The following XYLT1 variants were observed in gnomAD, a reference collection of about 807,000 sequenced individuals.
XYLT1 encodes xylosyltransferase 1.
A neutral mutation model predicts 91.3 loss-of-function variants in XYLT1; 36 were observed. That is an observed-to-expected ratio of 0.39 (90% CI 0.30 to 0.52). The LOEUF is 0.52. Among genes scored for constraint, XYLT1 ranks in the 20% least tolerant of loss-of-function variants. The pLI is 0.68. For synonymous variants in XYLT1, 588 were observed against 532.0 expected (o/e 1.11, Z -1.45); for missense variants, 1,242 against 1,284.5 (o/e 0.97, Z 0.51).
At chr16:17,462,447 C>A (rs749639516) in intron 1 of XYLT1, among the ~76,000 whole-genome samples, 11 of 152,172 alleles carry the variant, frequency 7.2e-5, no homozygotes, top group Non-Finnish European at 1.6e-4. Flanking sequence ...GGCTTCCAAT[C>A]GGGAAGGGGG....
At chr16:17,426,982 T>G (rs973726178) in intron 1 of XYLT1, among the ~76,000 whole-genome samples, 2 of 152,008 alleles carry the variant, frequency 1.3e-5, no homozygotes, top group African/African-American at 4.8e-5. Context: ...TGAGGCAGGA[T>G]AGAGACAGAG....
intron 2 of XYLT1, among the ~76,000 whole-genome samples, chr16:17,259,780 C>G (rs1351397615): frequency 6.6e-6 from 1 of 152,194 alleles, no homozygotes; most frequent in Non-Finnish European, 1.5e-5. Flanking sequence ...CTTTTCAAGT[C>G]AGTTTCTTTC....
Position 17,189,792 on chromosome 16 carries a change from A to T in XYLT1, c.1289+8420T>A, listed in dbSNP as rs372357306. ...CTGGGCATAGTGGCTTACACCTGTA[A>T]TCTCAGCACTTTGGGAGGCTGAGGT... On this transcript the variant is annotated intron_variant, in intron 5 of 11. Transcript: ENST00000261381. Among the ~76,000 whole-genome samples, 5 of 152,346 alleles carry T rather than the reference A, an allele frequency of 3.3e-5. No homozygotes were observed. In the South Asian group the frequency reaches 1.0e-3, roughly 32 times the overall value.
intron 9 of XYLT1, among the ~76,000 whole-genome samples, chr16:17,133,082 G>T (rs2141504344): frequency 6.6e-6 from 1 of 152,264 alleles, no homozygotes; most frequent in East Asian, 1.9e-4. Flanking sequence ...TTAAACTGCA[G>T]GTCCTGGGTT....
rs901916119 is a variant in XYLT1, at chr16:17,108,447, G to C, written c.*248C>G. ...AGACAAGGAACCTGTAGGACTTGAGGATCAACCAGAAGAGGTGAGACAGTC... is the reference window on the plus strand; with the variant it reads ...AGACAAGGAACCTGTAGGACTTGAGCATCAACCAGAAGAGGTGAGACAGTC... On this transcript the variant is annotated 3_prime_UTR_variant, in exon 12 of 12. Coordinates refer to ENST00000261381, the MANE Select transcript of XYLT1 (RefSeq NM_022166.4). 4.8e-6 allele frequency: 2 copies of C among 413,338 alleles called. No individual in the cohort carries two copies. 25.6% of individuals were successfully genotyped at this position (413,338 alleles called of 1,614,324 possible). A position where few individuals can be genotyped will look rare whatever the true frequency, so the allele number is the denominator to read the frequency against.
intron 2 of XYLT1, 106 bp downstream of exon 2, chr16:17,357,906 G>A (rs1010527913): frequency 8.1e-7 from 1 of 1,230,840 alleles, no homozygotes; most frequent in Non-Finnish European, 1.2e-6. Context: ...AATGGGACCA[G>A]GGGCAGCCAT....
At chr16:17,294,869 A>G (rs2034286383) in intron 2 of XYLT1, among the ~76,000 whole-genome samples, 1 of 152,160 alleles carries the variant, frequency 6.6e-6, no homozygotes, top group Non-Finnish European at 1.5e-5. Context: ...CAGGTACTAG[A>G]TGACAATTCC....
intron 3 of XYLT1, among the ~76,000 whole-genome samples, chr16:17,255,073 T>G (rs1432041835): frequency 1.3e-5 from 2 of 148,490 alleles, no homozygotes; most frequent in African/African-American, 5.0e-5. Flanking sequence ...CTCAGCTCAC[T>G]GCAACCTCTG....
chr16:17,159,729 C>T (rs887424209), intron 5 of XYLT1, among the ~76,000 whole-genome samples: 1 of 152,228 alleles, frequency 6.6e-6, no homozygotes, highest in Non-Finnish European at 1.5e-5. Flanking sequence ...CGAGTGACAT[C>T]GTTGCCAGCA....
intron 2 of XYLT1, chr16:17,338,433 C>T (rs1177227170): frequency 2.2e-6 from 1 of 456,514 alleles, no homozygotes; most frequent in South Asian, 1.5e-5. Flanking sequence ...AAGGCTGCAA[C>T]AAAGGAGAAG....
At chr16:17,410,780 T>G (rs1183956412) in intron 1 of XYLT1, among the ~76,000 whole-genome samples, 1 of 151,884 alleles carries the variant, frequency 6.6e-6, no homozygotes, top group East Asian at 1.9e-4. Flanking sequence ...ATAGTTTGGA[T>G]GGCAGGCGTA....
At chr16:17,423,535 C>G (rs553823110) in intron 1 of XYLT1, among the ~76,000 whole-genome samples, 1 of 152,180 alleles carries the variant, frequency 6.6e-6, no homozygotes. Flanking sequence ...GACAATCCCA[C>G]GTGCTGTCCT....
chr16:17,148,804 A>T (rs1330649722), intron 6 of XYLT1, among the ~76,000 whole-genome samples: 1 of 152,218 alleles, frequency 6.6e-6, no homozygotes, highest in East Asian at 1.9e-4. Context: ...GTGATCTTCT[A>T]ATGCTTGAAA....
At position 17,138,391 on chromosome 16, in the gene XYLT1, G is replaced by A. The variant is rs1005315247; in HGVS notation, c.1728C>T (p.Pro576=). Residue 576 remains proline (P), a synonymous_variant, in exon 8 of 12, where the codon CCC becomes CCT. Transcript: ENST00000261381. ...KHIVDWCGCS[P]NDFKPQDFHR... ...GGAAGTCCTGCGGCTTGAAGTCATT[G>A]GGGGAGCAGCCGCACCAGTCCACGA... The A allele has an allele frequency of 3.7e-6, 6 of 1,614,034 alleles. No individual in the cohort carries two copies. Among genetic ancestry groups the A allele is most frequent in the Non-Finnish European group, 5.1e-6 (6 of 1,179,980 alleles).
At chr16:17,410,648 T>C (rs1160074606) in intron 1 of XYLT1, among the ~76,000 whole-genome samples, 2 of 149,456 alleles carry the variant, frequency 1.3e-5, no homozygotes, top group Non-Finnish European at 3.0e-5. Context: ...GTCATTACTT[T>C]TTTTTTTTTT....
chr16:17,193,837 T>C (rs2032372076), intron 5 of XYLT1: 1 of 152,132 alleles, frequency 6.6e-6, no homozygotes, highest in African/African-American at 2.4e-5. Context: ...GGCAACTTCA[T>C]GAAAACAACA....
intron 2 of XYLT1, among the ~76,000 whole-genome samples, chr16:17,298,608 T>C (rs563302124): frequency 6.6e-6 from 1 of 152,154 alleles, no homozygotes; most frequent in Non-Finnish European, 1.5e-5. Context: ...CTGTGCGAGA[T>C]TGAGTTGGGA....
At chr16:17,327,602 TCCCGCCCCCCCC>T (rs1389276710) in intron 2 of XYLT1, among the ~76,000 whole-genome samples, 8 of 107,124 alleles carry the variant, frequency 7.5e-5, no homozygotes, top group African/African-American at 2.9e-4. Flanking sequence ...GACCTCGTGA[TCCCGCCCCCCCC>T]CCCCCCCCCC....
At chr16:17,455,627 A>AAAT (rs2036730718) in intron 1 of XYLT1, among the ~76,000 whole-genome samples, 1 of 141,566 alleles carries the variant, frequency 7.1e-6, no homozygotes, top group Non-Finnish European at 1.6e-5. Flanking sequence ...AATAAATAAA[A>AAAT]GGTAGATTTA....
Sources: allele counts gnomAD v4.1 joint callset (sites outside exome capture counted in the v4.1 genomes callset), GRCh38; gene constraint gnomAD v4.1.1; transcripts MANE v1.5; gene names NCBI Gene and HGNC (gene_info 2026-07-23, HGNC 2026-07-21).